Variants in ATP8A2 observed in about 807,000 individuals in gnomAD.
ATP8A2 encodes ATPase phospholipid transporting 8A2.
ATP8A2 carries 100 observed loss-of-function variants against 165.6 expected under a neutral mutation model. That is an observed-to-expected ratio of 0.60 (90% confidence interval 0.51 to 0.71). The LOEUF is 0.71. ATP8A2 is among the 30% of genes least tolerant of loss of function. The pLI is 0.00. For synonymous variants in ATP8A2, 543 were observed against 548.8 expected (o/e 0.99, Z 0.15); for missense variants, 1,227 against 1,479.5 (o/e 0.83, Z 2.80).
At chr13:25,880,813 G>A (rs1952959317) in intron 33 of ATP8A2, 1 of 420,952 alleles carries the variant, frequency 2.4e-6, no homozygotes, top group Admixed American at 2.7e-5. Flanking sequence ...TTCTAGCAAA[G>A]GAATTTGCAG....
At chr13:25,406,251 C>T (rs555360285) in intron 1 of ATP8A2, among the ~76,000 whole-genome samples, 5 of 152,240 alleles carry the variant, frequency 3.3e-5, no homozygotes, top group East Asian at 1.9e-4. Flanking sequence ...GGTGGCATCC[C>T]GGTGCTATTA....
chr13:25,886,882 C>T (rs535657942), intron 33 of ATP8A2, among the ~76,000 whole-genome samples: 7 of 152,166 alleles, frequency 4.6e-5, no homozygotes, highest in African/African-American at 9.7e-5. Flanking sequence ...GCTGGTTGCT[C>T]ATTGTAGGGT....
intron 24 of ATP8A2, among the ~76,000 whole-genome samples, chr13:25,681,133 A>T (rs185985148): frequency 2.2e-4 from 33 of 152,296 alleles, no homozygotes. Flanking sequence ...GGTTTGGGGA[A>T]CTGTTTAGAA....
Position 25,846,085 on chromosome 13 carries a change from A to T in ATP8A2, c.2956+6461A>T, listed in dbSNP as rs1306481658. 1.3e-5 allele frequency among the ~76,000 whole-genome samples: 2 copies of T among 152,244 alleles called. 1 individual carries two copies. The highest frequency in any genetic ancestry group is 2.9e-5 in the Non-Finnish European group (2 of 68,044). ...CAGCTACTTGGGAGGCTGAGGCAGGAGAATTGCTTGAACTGGGAGGCAGAG... is the reference window on the plus strand; with the variant it reads ...CAGCTACTTGGGAGGCTGAGGCAGGTGAATTGCTTGAACTGGGAGGCAGAG... On this transcript the variant is annotated intron_variant, in intron 30 of 36. Coordinates refer to ENST00000381655, the MANE Select transcript of ATP8A2 (RefSeq NM_016529.6).
chr13:25,870,140 G>A (rs2138802570), intron 33 of ATP8A2, among the ~76,000 whole-genome samples: 1 of 152,308 alleles, frequency 6.6e-6, no homozygotes, highest in Admixed American at 6.5e-5. Flanking sequence ...CAAACTCTGT[G>A]TCATTCTGGC....
At chr13:25,557,485 C>T (rs2039015362) in intron 13 of ATP8A2, among the ~76,000 whole-genome samples, 1 of 152,100 alleles carries the variant, frequency 6.6e-6, no homozygotes, top group Non-Finnish European at 1.5e-5. Context: ...TTTGCCTTCT[C>T]TTTGAACTCT....
chr13:25,465,663 T>TTTTCTCTCTTTCTTTC (rs1345363989), intron 1 of ATP8A2, among the ~76,000 whole-genome samples: 3 of 86,394 alleles, frequency 3.5e-5, no homozygotes, highest in Admixed American at 2.4e-4. Flanking sequence ...TCTTGCAGAG[T>TTTTCTCTCTTTCTTTC]TTTCTTTCTT....
At chr13:25,962,857 T>C (rs2139189820) in intron 34 of ATP8A2, among the ~76,000 whole-genome samples, 1 of 152,330 alleles carries the variant, frequency 6.6e-6, no homozygotes, top group East Asian at 1.9e-4. Context: ...TGATACCTCA[T>C]GCAAATCTAG....
chr13:25,906,781 G>T (rs138624651), intron 33 of ATP8A2, among the ~76,000 whole-genome samples: 4 of 152,268 alleles, frequency 2.6e-5, no homozygotes, highest in Non-Finnish European at 5.9e-5. Flanking sequence ...AAGCTCAGTG[G>T]CAGAGTCCCT....
Position 25,968,654 on chromosome 13 carries a change from G to T in ATP8A2, c.3352G>T (p.Val1118Leu), listed in dbSNP as rs767318566. The T allele has an allele frequency of 2.5e-6, 4 of 1,613,658 alleles. No homozygotes were observed. The South Asian group carries it at 4.4e-5, about 18-fold the overall frequency. ...CAAGTCTCGAGTCCTGGGAAAAGCG[G>T]TGCTGCGGGATAGCAATGGAAAGAG... is the stretch of plus-strand genomic sequence containing the variant. Reference protein sequence around the residue: ...ETKSRVLGKAVLRDSNGKRLN... With the variant: ...ETKSRVLGKALLRDSNGKRLN... The change falls in exon 35 of 37, where the codon GTG becomes TTG. Residue 1118 changes from valine to leucine, a missense_variant. This residue lies in a region of ATP8A2 where 260 missense variants were observed against 245.1 expected (regional missense o/e 1.06). Coordinates refer to ENST00000381655, the MANE Select transcript of ATP8A2 (RefSeq NM_016529.6).
At chr13:25,855,269 A>G (rs193288528) in intron 30 of ATP8A2, among the ~76,000 whole-genome samples, 168 of 149,130 alleles carry the variant, frequency 1.1e-3, no homozygotes, top group Non-Finnish European at 1.9e-3. Flanking sequence ...AAAAAAAAAG[A>G]GTCACTCCCC....
chr13:25,523,592 G>C (rs1030421998), intron 2 of ATP8A2, among the ~76,000 whole-genome samples: 1 of 151,980 alleles, frequency 6.6e-6, no homozygotes, highest in African/African-American at 2.4e-5. Flanking sequence ...GTTCAGTCTT[G>C]GTAGGTTTTA....
intron 25 of ATP8A2, among the ~76,000 whole-genome samples, chr13:25,720,983 T>C (rs2138033208): frequency 6.8e-6 from 1 of 146,522 alleles, no homozygotes; most frequent in East Asian, 2.0e-4. Context: ...TTTTTTTTCC[T>C]GACACAGAGT....
At chr13:25,448,322 G>T (rs1278474438) in intron 1 of ATP8A2, among the ~76,000 whole-genome samples, 1 of 152,144 alleles carries the variant, frequency 6.6e-6, no homozygotes, top group Non-Finnish European at 1.5e-5. Flanking sequence ...GAAACTTAAA[G>T]CTTAGTTTTT....
rs943994233 is a variant in ATP8A2, at chr13:25,737,296, GTTATT to G, written c.2385-31737_2385-31733del. Among the ~76,000 whole-genome samples, 4 of 152,246 alleles carry G rather than the reference GTTATT, an allele frequency of 2.6e-5. No homozygotes were observed. The East Asian group carries it at 7.7e-4, about 29-fold the overall frequency. On this transcript the variant is annotated intron_variant, in intron 25 of 36. Coordinates refer to ENST00000381655, the MANE Select transcript of ATP8A2 (RefSeq NM_016529.6). ...TCAGGTGTTTGCACCTTATGTTTGT[GTTATT>G]TTATTTTATTTTTTACTTTAGCCAC...
At chr13:25,680,828 G>A (rs1488034023) in intron 24 of ATP8A2, among the ~76,000 whole-genome samples, 2 of 152,110 alleles carry the variant, frequency 1.3e-5, no homozygotes, top group African/African-American at 4.8e-5. Flanking sequence ...TCAGTTCCTG[G>A]CATTTGGGTT....
In ATP8A2 at chr13:25,705,328, C is replaced by T. The variant is rs192842420; in HGVS notation, c.2384+5983C>T. On this transcript the variant is annotated intron_variant, in intron 25 of 36. Transcript: ENST00000381655. ...CCCCTGTGAGGACGTTAGTGATGGC[C>T]CCATCAGAGTCCCCAGCAAATACAG... 4.2e-3 allele frequency: 886 copies of T among 209,254 alleles called. 9 individuals carry two copies. The highest frequency in any genetic ancestry group is 3.6e-3 in the Non-Finnish European group (364 of 101,708). 13.0% of individuals were successfully genotyped at this position (209,254 alleles called of 1,614,324 possible). A position where few individuals can be genotyped will look rare whatever the true frequency, so the allele number is the denominator to read the frequency against.
chr13:25,393,625 A>G (rs2033323408), intron 1 of ATP8A2, among the ~76,000 whole-genome samples: 1 of 152,178 alleles, frequency 6.6e-6, no homozygotes, highest in South Asian at 2.1e-4. Flanking sequence ...CATGTTGGCC[A>G]GGCTGGTCTT....
In ATP8A2 at chr13:25,465,704, TTTCTTTC is replaced by T. The variant is rs1380772319; in HGVS notation, c.77-3270_77-3264del. Among the ~76,000 whole-genome samples the T allele has an allele frequency of 5.9e-3, 128 of 21,644 alleles. 3 individuals are homozygous for T. The highest frequency in any genetic ancestry group is 0.019 in the Middle Eastern group (1 of 54). The allele number at this position is 21,644 out of a possible 152,430, so 14.2% of individuals were successfully genotyped here. ...CTTTCTTTCTTTCTTTCTTTCTTTC[TTTCTTTC>T]TTTCTTTCTTTCTTTCTTTCTTTCT... is the stretch of plus-strand genomic sequence containing the variant. On this transcript the variant is annotated intron_variant, in intron 1 of 36. Transcript: ENST00000381655.
Sources: allele counts gnomAD v4.1 joint callset (sites outside exome capture counted in the v4.1 genomes callset), GRCh38; gene constraint gnomAD v4.1.1; regional missense constraint gnomAD v4.1.1; transcripts MANE v1.5; gene names NCBI Gene and HGNC (gene_info 2026-07-23, HGNC 2026-07-21).